ANO5: variants seen among roughly 807,000 people sequenced by gnomAD.
The protein encoded by ANO5 is anoctamin-5.
ANO5 carries 109 observed loss-of-function variants against 121.0 expected under a neutral mutation model. The ratio of observed to expected loss-of-function variants is 0.90; its 90% CI spans 0.77 to 1.06. ANO5 has a LOEUF of 1.06. Ranked by LOEUF, ANO5 falls within the 50% of genes least tolerant of loss-of-function variation. The pLI, the probability that ANO5 is intolerant of heterozygous loss-of-function variation, is 0.00. For synonymous variants in ANO5, 406 were observed against 359.9 expected (o/e 1.13, Z -1.45); for missense variants, 1,064 against 1,078.5 (o/e 0.99, Z 0.19).
intron 21 of ANO5, among the ~76,000 whole-genome samples, chr11:22,278,927 T>C (rs1590339759): frequency 6.6e-6 from 1 of 151,564 alleles, no homozygotes; most frequent in Non-Finnish European, 1.5e-5. Context: ...CTGTGTCTGG[T>C]GCCCCTGGAT....
Position 22,273,005 on chromosome 11 carries a change from T to A in ANO5, c.2235+16T>A. The stretch of plus-strand genomic sequence containing the variant: ...TGCAACTAATGTAAGTGGACCTATT[T>A]CGGTGGGGTGACTTTGTATTTCATT... On this transcript the variant is annotated intron_variant, in intron 19 of 21. Transcript: ENST00000324559. 6.2e-7 allele frequency: 1 copy of A among 1,609,424 alleles called. No individual in the cohort carries two copies. Among genetic ancestry groups the A allele is most frequent in the Non-Finnish European group, 8.5e-7 (1 of 1,175,854 alleles).
chr11:22,218,404 C>A, intron 4 of ANO5, 117 bp downstream of exon 4: 1 of 1,309,898 alleles, frequency 7.6e-7, no homozygotes, highest in Non-Finnish European at 1.1e-6. Flanking sequence ...AATTCCTAGT[C>A]CCCAGGCAAC....
chr11:22,193,049 G>A, upstream of ANO5: 3 of 1,024,462 alleles, frequency 2.9e-6, no homozygotes, highest in Non-Finnish European at 3.5e-6. Flanking sequence ...CAGGGACGCA[G>A]CGAAGGGGAA....
At chr11:22,218,999 ATATATT>A (rs1590233492) in intron 4 of ANO5, among the ~76,000 whole-genome samples, 1 of 152,094 alleles carries the variant, frequency 6.6e-6, no homozygotes, top group African/African-American at 2.4e-5. Flanking sequence ...ATGCTACAAA[ATATATT>A]TATATTATGT....
In ANO5 at chr11:22,225,006, G is replaced by A. The variant is rs1398003560; in HGVS notation, c.295-978G>A. Among the ~76,000 whole-genome samples, 11 of 152,026 alleles carry A rather than the reference G, an allele frequency of 7.2e-5. No homozygotes were observed. The East Asian group carries it at 1.7e-3, about 24-fold the overall frequency. On this transcript the variant is annotated intron_variant, in intron 5 of 21. Coordinates refer to ENST00000324559, the MANE Select transcript of ANO5 (RefSeq NM_213599.3). Reference sequence around the variant, plus strand: ...GGCTACCAGAAGCCAGGAAAGGGAAGGGGAAGGAGGGAGATAAAGGGGGAA... The same window carrying A: ...GGCTACCAGAAGCCAGGAAAGGGAAAGGGAAGGAGGGAGATAAAGGGGGAA...
At position 22,274,616 on chromosome 11, in the gene ANO5, C is replaced by T. The variant is rs775149534; in HGVS notation, c.2283C>T (p.Tyr761=). The T allele has an allele frequency of 6.2e-7, 1 of 1,612,686 alleles. No homozygotes were observed. The highest frequency in any genetic ancestry group is 8.5e-7 in the Non-Finnish European group (1 of 1,179,366). The part of the protein sequence containing the change: ...FTSDIIPRLV[Y]YYAYSTNATQ... ...CAGACATCATTCCCCGTCTAGTTTA[C>T]TACTATGCTTACTCAACAAATGCCA... The change falls in exon 20 of 22, where the codon TAC becomes TAT. Residue 761 remains tyrosine, a synonymous_variant. Coordinates refer to ENST00000324559, the MANE Select transcript of ANO5 (RefSeq NM_213599.3).
At chr11:22,262,891 A>C (rs1166950936) in intron 16 of ANO5, 55 bp from the exon 17 acceptor site, 1 of 1,404,474 alleles carries the variant, frequency 7.1e-7, no homozygotes, top group African/African-American at 1.4e-5. Context: ...TAGGTGTTGC[A>C]AAATTCCATC....
intron 20 of ANO5, 141 bp downstream of exon 20, chr11:22,274,888 C>A: frequency 8.8e-7 from 1 of 1,138,076 alleles, no homozygotes; most frequent in Non-Finnish European, 1.3e-6. Flanking sequence ...TGTATCCATT[C>A]TAGAATTCAC....
At chr11:22,258,242 A>G (rs1854068256) in intron 14 of ANO5, among the ~76,000 whole-genome samples, 1 of 152,226 alleles carries the variant, frequency 6.6e-6, no homozygotes, top group African/African-American at 2.4e-5. Context: ...TGACAGTTGT[A>G]GACTATAGTT....
At chr11:22,204,470 C>T (rs146523725) in intron 2 of ANO5, among the ~76,000 whole-genome samples, 23 of 152,176 alleles carry the variant, frequency 1.5e-4, no homozygotes, top group African/African-American at 4.6e-4. Flanking sequence ...CAGAGGTAGA[C>T]GTCCTTGAGT....
chr11:22,273,563 T>G (rs1854709837), intron 19 of ANO5, among the ~76,000 whole-genome samples: 2 of 152,106 alleles, frequency 1.3e-5, no homozygotes, highest in South Asian at 4.1e-4. Flanking sequence ...CTATTACAGA[T>G]AACTCCATTG....
At chr11:22,269,640 A>G (rs1296911421) in intron 17 of ANO5, among the ~76,000 whole-genome samples, 1 of 151,798 alleles carries the variant, frequency 6.6e-6, no homozygotes, top group Non-Finnish European at 1.5e-5. Flanking sequence ...ATAAGACTGA[A>G]ATAATTTTTT....
At position 22,276,219 on chromosome 11, in the gene ANO5, C is replaced by A; in HGVS notation, c.2520+20C>A. ...ATGGAAGTAAGCTGTTCTTAACTTTCATTCGAGTTACTCTCTTCTCTCTTT... is the reference window on the plus strand; with the variant it reads ...ATGGAAGTAAGCTGTTCTTAACTTTAATTCGAGTTACTCTCTTCTCTCTTT... On this transcript the variant is annotated intron_variant, in intron 21 of 21. Transcript: ENST00000324559. The A allele has an allele frequency of 1.3e-6, 2 of 1,560,698 alleles. No individual in the cohort carries two copies. Among genetic ancestry groups the A allele is most frequent in the Non-Finnish European group, 1.8e-6 (2 of 1,132,106 alleles).
At chr11:22,245,122 T>C (rs1041586648) in intron 9 of ANO5, among the ~76,000 whole-genome samples, 4 of 152,182 alleles carry the variant, frequency 2.6e-5, no homozygotes, top group African/African-American at 7.2e-5. Flanking sequence ...TTCACAGTTT[T>C]GTATATTGGC....
intron 7 of ANO5, among the ~76,000 whole-genome samples, chr11:22,234,923 C>G (rs1306175373): frequency 1.3e-5 from 2 of 152,088 alleles, no homozygotes; most frequent in Non-Finnish European, 2.9e-5. Flanking sequence ...GGAACCTGAA[C>G]ACTGACCTAC....
intron 4 of ANO5, among the ~76,000 whole-genome samples, chr11:22,220,714 G>A (rs1852612503): frequency 6.6e-6 from 1 of 151,842 alleles, no homozygotes; most frequent in Non-Finnish European, 1.5e-5. Context: ...CCATTAATTG[G>A]TCTGTAATTA....
At position 22,239,620 on chromosome 11, in the gene ANO5, A is replaced by G; in HGVS notation, c.814A>G (p.Thr272Ala). 1 of 1,613,026 alleles carries G rather than the reference A, an allele frequency of 6.2e-7. No homozygotes were observed. Among genetic ancestry groups the G allele is most frequent in the Non-Finnish European group, 8.5e-7 (1 of 1,179,222 alleles). The change falls in exon 9 of 22, where the codon ACA becomes GCA. Residue 272 changes from threonine to alanine, a missense_variant. Thr to Ala is a moderately conservative substitution (Grantham distance 58, BLOSUM62 0). Coordinates refer to ENST00000324559, the MANE Select transcript of ANO5 (RefSeq NM_213599.3). The stretch of plus-strand genomic sequence containing the variant: ...TCCCAATCCTACCAATGAAAGATAC[A>G]CACTTCACCAGAATTGGGCTCGATT... ...EPPNPTNERY[T>A]LHQNWARFSY... is the part of the protein sequence containing the mutation.
chr11:22,249,104 C>G (rs1211131939), intron 9 of ANO5, among the ~76,000 whole-genome samples: 1 of 151,546 alleles, frequency 6.6e-6, no homozygotes, highest in Non-Finnish European at 1.5e-5. Flanking sequence ...TCTGGAAAAC[C>G]AAATTAGGGA....
Position 22,281,608 on chromosome 11 carries a change from C to T in ANO5, c.*1843C>T, listed in dbSNP as rs986581237. ...TCAGATTCTCCATTGCTATAGTGTA[C>T]AGTGCACACAGCTCATATTGCTTCC... is the stretch of plus-strand genomic sequence containing the variant. On this transcript the variant is annotated 3_prime_UTR_variant, in exon 22 of 22. Transcript: ENST00000324559. The T allele has an allele frequency of 6.6e-6, 1 of 151,810 alleles. No homozygotes were observed. The highest frequency in any genetic ancestry group is 2.4e-5 in the African/African-American group (1 of 41,374). 9.4% of individuals were successfully genotyped at this position (151,810 alleles called of 1,614,324 possible).
Sources: allele counts gnomAD v4.1 joint callset (sites outside exome capture counted in the v4.1 genomes callset), GRCh38; gene constraint gnomAD v4.1.1; transcripts MANE v1.5; gene names NCBI Gene and HGNC (gene_info 2026-07-23, HGNC 2026-07-21).